The following POMT2 variants were observed in gnomAD, a reference collection of about 807,000 sequenced individuals.
The protein encoded by POMT2 is protein O-mannosyl-transferase 2.
A neutral mutation model predicts 100.0 loss-of-function variants in POMT2; 75 were observed. The ratio of observed to expected loss-of-function variants is 0.75; its 90% CI spans 0.62 to 0.91. POMT2 has a LOEUF of 0.91. Among genes scored for constraint, POMT2 ranks in the 40% least tolerant of loss-of-function variants. The pLI is 0.00. For missense variants in POMT2, 940 were observed against 955.1 expected, an observed-to-expected ratio of 0.98 and a Z score of 0.21; for synonymous variants, 378 against 374.1, an observed-to-expected ratio of 1.01 and a Z score of -0.12.
intron 18 of POMT2, 150 bp from the exon 19 acceptor site, chr14:77,279,019 G>C: frequency 9.1e-7 from 1 of 1,094,560 alleles, no homozygotes; most frequent in Non-Finnish European, 1.3e-6. Flanking sequence ...AGAAACTGGA[G>C]AGGAGCAGCT....
intron 15 of POMT2, among the ~76,000 whole-genome samples, chr14:77,280,929 T>TA (rs1373900536): frequency 6.6e-6 from 1 of 151,982 alleles, no homozygotes; most frequent in African/African-American, 2.4e-5. Flanking sequence ...CCGTCTTTAC[T>TA]AAAAAATACA....
At chr14:77,281,251 C>T (rs1566645180) in intron 15 of POMT2, among the ~76,000 whole-genome samples, 1 of 151,992 alleles carries the variant, frequency 6.6e-6, no homozygotes, top group Non-Finnish European at 1.5e-5. Context: ...GCTTCTCCAC[C>T]TTTTTTTTCC....
chr14:77,315,256 G>A (rs748818927), intron 1 of POMT2, among the ~76,000 whole-genome samples: 103 of 152,312 alleles, frequency 6.8e-4, no homozygotes, highest in Middle Eastern at 3.4e-3. Flanking sequence ...CTAACCCTGA[G>A]GGAGCGACAC....
In POMT2 at chr14:77,296,202, G is replaced by T; in HGVS notation, c.1078C>A (p.His360Asn). 6.2e-7 allele frequency: 1 copy of T among 1,608,960 alleles called. No homozygotes were observed. ...GCACCAATGCCCTCGGGGTAGAGGT[G>T]CCTGTGGGAGTGCAGATAGCCGATG... is the stretch of plus-strand genomic sequence containing the variant. ...MAIGYLHSHR[H>N]LYPEGIGARQ... Residue 360 changes from histidine (H) to asparagine (N), a missense_variant, in exon 9 of 21, where the codon CAC (histidine) becomes AAC (asparagine). Transcript: ENST00000261534.
In POMT2 at chr14:77,304,764, C is replaced by T; in HGVS notation, c.475G>A (p.Ala159Thr). 1 of 1,599,550 alleles carries T rather than the reference C, an allele frequency of 6.3e-7. No individual in the cohort carries two copies. Reference sequence around the variant, plus strand: ...GACAGATCCAGTACAGTGAGGTAGGCAAAGGGGACCAGCCAGGAGCCAAGG... The same window carrying T: ...GACAGATCCAGTACAGTGAGGTAGGTAAAGGGGACCAGCCAGGAGCCAAGG... ...AFLGSWLVPF[A>T]YLTVLDLSKS... Residue 159 changes from alanine to threonine, a missense_variant, in exon 4 of 21, where the codon GCC (alanine) becomes ACC (threonine). Coordinates refer to ENST00000261534, the MANE Select transcript of POMT2 (RefSeq NM_013382.7).
Position 77,280,322 on chromosome 14 carries a change from G to A in POMT2, c.1725+70C>T, listed in dbSNP as rs559293246. 6.3e-4 allele frequency: 499 copies of A among 787,306 alleles called. 2 individuals carry two copies. In the African/African-American group the frequency reaches 6.7e-3, roughly 11 times the overall value. 48.8% of individuals were successfully genotyped at this position (787,306 alleles called of 1,614,324 possible). On this transcript the variant is annotated intron_variant, in intron 16 of 20. Transcript: ENST00000261534. ...CTGCCGCCCTAGTACACCCACCCCC[G>A]CCTCCACCGGTCTCCCTGCTCTTGT...
rs142870987 is a variant in POMT2 at position 77,280,396 on chromosome 14, T to C, written c.1721A>G (p.Tyr574Cys). The change falls in exon 16 of 21, where the codon TAT becomes TGT. Residue 574 changes from tyrosine to cysteine, a missense_variant. Physicochemically the swap from Tyr to Cys is radical, Grantham distance 194 (BLOSUM62 -2). Transcript: ENST00000261534. ...TSKPWHWPIN[Y>C]QGLRFSGVND... ...AGCCCCAGCCTTGGATCCTACCTGA[T>C]AGTTGATAGGCCAGTGCCAGGGTTT... is the stretch of plus-strand genomic sequence containing the variant. The C allele has an allele frequency of 2.7e-5, 43 of 1,613,830 alleles. No homozygotes were observed. The highest frequency in any genetic ancestry group is 4.0e-5 in the African/African-American group (3 of 74,856).
intron 9 of POMT2, among the ~76,000 whole-genome samples, chr14:77,293,527 T>C (rs1281559926): frequency 1.3e-5 from 2 of 152,244 alleles, no homozygotes; most frequent in African/African-American, 2.4e-5. Context: ...TTCTTTTTTA[T>C]ACTTTTCTAC....
chr14:77,288,451 G>A lies in POMT2; in HGVS notation c.1253+311C>T, dbSNP rs183000739. Among the ~76,000 whole-genome samples the A allele has an allele frequency of 5.9e-5, 9 of 152,198 alleles. No homozygotes were observed. The South Asian group carries it at 6.2e-4, about 11-fold the overall frequency. On this transcript the variant is annotated intron_variant, in intron 11 of 20. Coordinates refer to ENST00000261534, the MANE Select transcript of POMT2 (RefSeq NM_013382.7). ...TTTGGGAGGCTGAAGCGGGAGGATC[G>A]CTTGAGCCCAGGACTCTGAGGCCAG...
At chr14:77,314,308 C>CA (rs1372663758) in intron 1 of POMT2, among the ~76,000 whole-genome samples, 2 of 152,162 alleles carry the variant, frequency 1.3e-5, no homozygotes, top group African/African-American at 4.8e-5. Flanking sequence ...AGCATTCATC[C>CA]AGTCCCTCAG....
Position 77,275,774 on chromosome 14 carries a change from G to GA in POMT2, c.*1601dup, listed in dbSNP as rs1244006095. On this transcript the variant is annotated 3_prime_UTR_variant, in exon 21 of 21. Coordinates refer to ENST00000261534, the MANE Select transcript of POMT2 (RefSeq NM_013382.7). ...GAAGTCAAAAGGGCTGTAGCAGTGGGAAAGGGAGGTCATCGGGCCCCAGAT... is the reference window on the plus strand; with the variant it reads ...GAAGTCAAAAGGGCTGTAGCAGTGGGAAAAGGGAGGTCATCGGGCCCCAGAT... 1 of 152,324 alleles carries GA rather than the reference G, an allele frequency of 6.6e-6. No individual in the cohort carries two copies. The highest frequency in any genetic ancestry group is 1.5e-5 in the Non-Finnish European group (1 of 68,072). The allele number at this position is 152,324 out of a possible 1,614,324, so 9.4% of individuals were successfully genotyped here. A position where few individuals can be genotyped will look rare whatever the true frequency, so the allele number is the denominator to read the frequency against.
chr14:77,320,432 A>G lies in POMT2; in HGVS notation c.248+2T>C, dbSNP rs1326631351. On this transcript the variant is annotated splice_donor_variant, in intron 1 of 20. Transcript: ENST00000261534. LOFTEE classifies it high-confidence loss of function. The stretch of plus-strand genomic sequence containing the variant: ...GCCCGCCGAGTCCCTCCCATCACTC[A>G]CCAGATGTGCGGCGGCTCGTCCAAG... The G allele has an allele frequency of 2.6e-6, 4 of 1,546,330 alleles. No homozygotes were observed. The African/African-American group carries it at 4.1e-5, about 16-fold the overall frequency.
rs1233107806 is a variant in POMT2 at position 77,320,821 on chromosome 14, G to A, written c.-140C>T. ...TCACTGCAGCGGAGCGCGGGGCCCC[G>A]GGCTCGGGGCGGGGCGGGCAGCGTG... On this transcript the variant is annotated 5_prime_UTR_variant, in exon 1 of 21. Coordinates refer to ENST00000261534, the MANE Select transcript of POMT2 (RefSeq NM_013382.7). 2 of 1,376,860 alleles carry A rather than the reference G, an allele frequency of 1.5e-6. No individual in the cohort carries two copies. Among genetic ancestry groups the A allele is most frequent in the East Asian group, 2.9e-5 (1 of 34,090 alleles). 85.3% of individuals were successfully genotyped at this position (1,376,860 alleles called of 1,614,324 possible).
At position 77,280,063 on chromosome 14, in the gene POMT2, C is replaced by A; in HGVS notation, c.1743G>T (p.Gly581=). Residue 581 remains glycine, a synonymous_variant, in exon 17 of 21, where the codon GGG becomes GGT. Coordinates refer to ENST00000261534, the MANE Select transcript of POMT2 (RefSeq NM_013382.7). ...AGACTCGGAAATCTGTGTCATTGAC[C>A]CCTGAGAAGCGTAGGCCCTGTGGAA... ...PINYQGLRFS[G]VNDTDFRVYL... The A allele has an allele frequency of 6.2e-7, 1 of 1,613,846 alleles. No individual in the cohort carries two copies. The highest frequency in any genetic ancestry group is 1.1e-5 in the South Asian group (1 of 91,078).
chr14:77,289,378 A>G (rs1015299803), intron 10 of POMT2, among the ~76,000 whole-genome samples: 3 of 150,812 alleles, frequency 2.0e-5, no homozygotes, highest in Non-Finnish European at 4.4e-5. Context: ...GTGACAGAGC[A>G]AGACTCTGTC....
rs758678348 is a variant in POMT2 at position 77,278,469 on chromosome 14, C to A, written c.2072G>T (p.Gly691Val). The A allele has an allele frequency of 1.1e-4, 171 of 1,505,008 alleles. No individual in the cohort carries two copies. Among genetic ancestry groups the A allele is most frequent in the Non-Finnish European group, 1.4e-4 (157 of 1,104,896 alleles). The allele number at this position is 1,505,008 out of a possible 1,614,324, so 93.2% of individuals were successfully genotyped here. A position where few individuals can be genotyped will look rare whatever the true frequency, so the allele number is the denominator to read the frequency against. ...WDTLLRLCAW[G>V]LASWPLARGI... ...CCTCGCCAGGGGCCATGAGGCCAAG[C>A]CCCAGGCACAGAGCCGCAGGAGGGT... Residue 691 changes from glycine to valine, a missense_variant, in exon 20 of 21, where the codon GGC becomes GTC. By Grantham distance (109) the Gly-to-Val change is moderately radical. Transcript: ENST00000261534.
chr14:77,314,051 A>G (rs1891538565), intron 1 of POMT2, among the ~76,000 whole-genome samples: 1 of 152,158 alleles, frequency 6.6e-6, no homozygotes, highest in African/African-American at 2.4e-5. Flanking sequence ...AAGTAAAACC[A>G]GTTGTAACAT....
intron 8 of POMT2, chr14:77,296,490 G>T: frequency 1.7e-6 from 1 of 578,620 alleles, no homozygotes; most frequent in Non-Finnish European, 3.1e-6. Context: ...GAGGGCTTCA[G>T]AAGAAGCTTG....
chr14:77,318,136 C>T (rs1891695831), intron 1 of POMT2, among the ~76,000 whole-genome samples: 1 of 152,130 alleles, frequency 6.6e-6, no homozygotes, highest in Non-Finnish European at 1.5e-5. Context: ...GGGGAAGGAA[C>T]ACCACAGGAC....
Sources: allele counts gnomAD v4.1 joint callset (sites outside exome capture counted in the v4.1 genomes callset), GRCh38; gene constraint gnomAD v4.1.1; transcripts MANE v1.5; gene names NCBI Gene and HGNC (gene_info 2026-07-23, HGNC 2026-07-21).